Variants in CADM2 observed in about 807,000 individuals in gnomAD.
CADM2 encodes cell adhesion molecule 2.
A neutral mutation model predicts 49.8 loss-of-function variants in CADM2; 12 were observed. The ratio of observed to expected loss-of-function variants is 0.24; its 90% CI spans 0.15 to 0.39. The LOEUF is 0.39. Among genes scored for constraint, CADM2 ranks in the 10% least tolerant of loss-of-function variants. CADM2 has a pLI of 1.00. For missense variants in CADM2, 378 were observed against 492.3 expected, an observed-to-expected ratio of 0.77 and a Z score of 2.20; for synonymous variants, 214 against 175.4, an observed-to-expected ratio of 1.22 and a Z score of -1.74.
chr3:85,982,736 C>A (rs1404833590), intron 8 of CADM2, among the ~76,000 whole-genome samples: 2 of 151,466 alleles, frequency 1.3e-5, no homozygotes, highest in African/African-American at 2.4e-5. Flanking sequence ...CTTTTAGATG[C>A]AATTATATTT....
chr3:85,470,427 A>G lies in CADM2; in HGVS notation c.62-256095A>G, dbSNP rs193161350. Among the ~76,000 whole-genome samples, 14 of 152,286 alleles carry G rather than the reference A, an allele frequency of 9.2e-5. No homozygotes were observed. In the East Asian group the frequency reaches 2.5e-3, roughly 27 times the overall value. On this transcript the variant is annotated intron_variant, in intron 1 of 9. Coordinates refer to ENST00000383699, the MANE Select transcript of CADM2 (RefSeq NM_001167675.2). ...GAAATATAGTAGATCTTTGTGTTTT[A>G]GTAGAAAAGGAAAACAAGAAAAGAA...
At chr3:85,321,310 C>A (rs1410143336) in intron 1 of CADM2, among the ~76,000 whole-genome samples, 1 of 150,036 alleles carries the variant, frequency 6.7e-6, no homozygotes, top group Non-Finnish European at 1.5e-5. Context: ...GTAGCTAGGA[C>A]TACAGGGATG....
intron 1 of CADM2, among the ~76,000 whole-genome samples, chr3:85,680,317 T>C (rs749425924): frequency 1.3e-5 from 2 of 152,148 alleles, no homozygotes; most frequent in East Asian, 1.9e-4. Flanking sequence ...ATCGGTGGAA[T>C]TTTGACTAAG....
At chr3:85,193,221 A>AT (rs956947784) in intron 1 of CADM2, among the ~76,000 whole-genome samples, 12 of 152,206 alleles carry the variant, frequency 7.9e-5, no homozygotes, top group African/African-American at 2.9e-4. Flanking sequence ...GTCTGACTTC[A>AT]TTTTTAACTG....
chr3:85,520,243 CT>C (rs1451309175), intron 1 of CADM2, among the ~76,000 whole-genome samples: 2 of 151,346 alleles, frequency 1.3e-5, no homozygotes, highest in Non-Finnish European at 3.0e-5. Flanking sequence ...AAAAAGTGTC[CT>C]TTTAAAAAAA....
chr3:85,523,849 G>C (rs2061089564), intron 1 of CADM2, among the ~76,000 whole-genome samples: 1 of 152,076 alleles, frequency 6.6e-6, no homozygotes. Context: ...GGATAAAACA[G>C]AGTTTTGTTG....
chr3:85,371,677 G>GTGTGTGTGTGTGTGTATATA (rs1251505613), intron 1 of CADM2, among the ~76,000 whole-genome samples: 1 of 95,154 alleles, frequency 1.1e-5, no homozygotes, highest in African/African-American at 4.4e-5. Context: ...GTGTGTGTGT[G>GTGTGTGTGTGTGTGTATATA]TATATATATA....
At chr3:85,720,031 T>G (rs1199144283) in intron 1 of CADM2, among the ~76,000 whole-genome samples, 1 of 152,198 alleles carries the variant, frequency 6.6e-6, no homozygotes, top group Non-Finnish European at 1.5e-5. Context: ...ATGAAGTATC[T>G]AATGTTCAAC....
At chr3:85,057,497 G>T (rs2036127983) in intron 1 of CADM2, among the ~76,000 whole-genome samples, 1 of 151,976 alleles carries the variant, frequency 6.6e-6, no homozygotes, top group South Asian at 2.1e-4. Flanking sequence ...TACTAACTTT[G>T]ATGTTAGTTA....
At chr3:85,089,206 G>A (rs1451774839) in intron 1 of CADM2, among the ~76,000 whole-genome samples, 1 of 152,066 alleles carries the variant, frequency 6.6e-6, no homozygotes, top group Non-Finnish European at 1.5e-5. Context: ...ACAATGCAGA[G>A]TTTTGGAATT....
At chr3:85,738,735 A>T (rs1245309318) in intron 2 of CADM2, among the ~76,000 whole-genome samples, 3 of 152,146 alleles carry the variant, frequency 2.0e-5, no homozygotes, top group African/African-American at 7.2e-5. Flanking sequence ...TTTTCAGGAG[A>T]TTTCTTAAAA....
At chr3:85,029,274 G>T (rs2034872009) in intron 1 of CADM2, among the ~76,000 whole-genome samples, 1 of 152,102 alleles carries the variant, frequency 6.6e-6, no homozygotes, top group Non-Finnish European at 1.5e-5. Flanking sequence ...AATACAGTTT[G>T]AGTATCATGG....
At chr3:85,516,806 C>T (rs1017019339) in intron 1 of CADM2, among the ~76,000 whole-genome samples, 3 of 151,864 alleles carry the variant, frequency 2.0e-5, no homozygotes, top group Non-Finnish European at 2.9e-5. Context: ...AAAATTGTAC[C>T]TTTGAACTAC....
intron 8 of CADM2, among the ~76,000 whole-genome samples, chr3:86,058,107 CTTAT>C (rs1307490175): frequency 2.0e-5 from 3 of 152,148 alleles, no homozygotes; most frequent in Admixed American, 6.5e-5. Flanking sequence ...AAATTATTCT[CTTAT>C]TTAATCCTCA....
At chr3:85,091,483 TATG>T (rs2037595822) in intron 1 of CADM2, among the ~76,000 whole-genome samples, 1 of 152,174 alleles carries the variant, frequency 6.6e-6, no homozygotes, top group African/African-American at 2.4e-5. Context: ...GAAGCACTAT[TATG>T]AAGATAAAAA....
intron 1 of CADM2, among the ~76,000 whole-genome samples, chr3:85,410,550 T>A (rs1017962628): frequency 1.3e-5 from 2 of 152,182 alleles, no homozygotes; most frequent in Admixed American, 6.5e-5. Context: ...GTGGATTTTT[T>A]AAAAAGGATT....
chr3:85,372,417 A>ATATATGTGTGTATATATG (rs1376768281), intron 1 of CADM2, among the ~76,000 whole-genome samples: 3 of 63,040 alleles, frequency 4.8e-5, no homozygotes, highest in African/African-American at 1.5e-4. Context: ...ATATATATGT[A>ATATATGTGTGTATATATG]TATATGTGTG....
intron 8 of CADM2, among the ~76,000 whole-genome samples, chr3:86,044,024 C>G (rs1736312163): frequency 1.3e-5 from 2 of 152,286 alleles, no homozygotes; most frequent in South Asian, 4.1e-4. Flanking sequence ...AAAGCTGAAA[C>G]TGGATCCCTT....
At chr3:85,567,971 T>A (rs2062318877) in intron 1 of CADM2, among the ~76,000 whole-genome samples, 1 of 152,148 alleles carries the variant, frequency 6.6e-6, no homozygotes, top group Non-Finnish European at 1.5e-5. Flanking sequence ...CTCCCCCTTT[T>A]TGTTCTCTCT....
Sources: gnomAD v4.1 joint callset for allele counts (sites outside exome capture counted in the v4.1 genomes callset) on GRCh38, gnomAD v4.1.1 for gene constraint, MANE v1.5 for transcripts, NCBI Gene and HGNC (gene_info 2026-07-23, HGNC 2026-07-21) for gene names.